COG5: variants seen among roughly 807,000 people sequenced by gnomAD.
COG5 encodes component of oligomeric golgi complex 5.
Under a neutral mutation model 110.4 loss-of-function variants are expected in COG5, and 86 were observed. The ratio of observed to expected loss-of-function variants is 0.78; its 90% confidence interval spans 0.65 to 0.93. COG5 has a LOEUF of 0.93. COG5 is among the 40% of genes least tolerant of loss of function. The pLI, the probability that COG5 is intolerant of heterozygous loss-of-function variation, is 0.00. For synonymous variants in COG5, 360 were observed against 334.6 expected (o/e 1.08, Z -0.83); for missense variants, 1,077 against 987.0 (o/e 1.09, Z -1.22).
At chr7:107,543,424 C>T (rs1479101722) in intron 5 of COG5, among the ~76,000 whole-genome samples, 3 of 152,104 alleles carry the variant, frequency 2.0e-5, no homozygotes, top group African/African-American at 7.2e-5. Flanking sequence ...GGCAGGCTGC[C>T]CCCGCCCGAC....
intron 5 of COG5, among the ~76,000 whole-genome samples, chr7:107,544,746 C>T (rs1439841693): frequency 6.6e-6 from 1 of 152,182 alleles, no homozygotes; most frequent in Non-Finnish European, 1.5e-5. Flanking sequence ...CAACAAGAAT[C>T]ACAATCAGGG....
chr7:107,504,922 T>C (rs1563071080), intron 6 of COG5, among the ~76,000 whole-genome samples: 1 of 152,150 alleles, frequency 6.6e-6, no homozygotes, highest in Non-Finnish European at 1.5e-5. Context: ...GGTCTATCCA[T>C]TTTGTTTATC....
At chr7:107,264,633 C>T (rs1424447515) in intron 14 of COG5, among the ~76,000 whole-genome samples, 1 of 152,058 alleles carries the variant, frequency 6.6e-6, no homozygotes, top group Non-Finnish European at 1.5e-5. Context: ...GTGGAGATTG[C>T]AGTGAGTTAA....
At position 107,549,064 on chromosome 7, in the gene COG5, C is replaced by T. The variant is rs557894224; in HGVS notation, c.293-732G>A. 3.3e-5 allele frequency: 5 copies of T among 152,454 alleles called. No homozygotes were observed. In the East Asian group the frequency reaches 9.6e-4, roughly 29 times the overall value. The allele number at this position is 152,454 out of a possible 1,614,324, so 9.4% of individuals were successfully genotyped here. ...AATAATATTGGAACAAATAAACATT[C>T]CTATCAGCATACAAGTATACAATAA... On this transcript the variant is annotated intron_variant, in intron 3 of 21. Coordinates refer to ENST00000297135, the MANE Select transcript of COG5 (RefSeq NM_006348.5).
At chr7:107,538,198 G>A (rs932912872) in intron 5 of COG5, among the ~76,000 whole-genome samples, 2 of 152,128 alleles carry the variant, frequency 1.3e-5, no homozygotes, top group Non-Finnish European at 2.9e-5. Context: ...CACAGCACCA[G>A]CCAGCCAGAG....
In COG5 at chr7:107,508,273, C is replaced by T. The variant is rs188849424; in HGVS notation, c.538+18964G>A. ...GGAGGGTCCTATGCCCACAGAGTCTCGCTGATTGCTAGCACAGCAGTCTGA... is the reference window on the plus strand; with the variant it reads ...GGAGGGTCCTATGCCCACAGAGTCTTGCTGATTGCTAGCACAGCAGTCTGA... On this transcript the variant is annotated intron_variant, in intron 6 of 21. Transcript: ENST00000297135. Among the ~76,000 whole-genome samples the T allele has an allele frequency of 1.8e-4, 28 of 152,314 alleles. No individual in the cohort carries two copies. In the East Asian group the frequency reaches 3.5e-3, roughly 19 times the overall value.
chr7:107,297,547 C>T (rs577722754), intron 12 of COG5, among the ~76,000 whole-genome samples: 1 of 143,918 alleles, frequency 6.9e-6, no homozygotes, highest in South Asian at 2.2e-4. Flanking sequence ...CTCCCGGGTT[C>T]AAGCGACTCT....
At chr7:107,288,911 T>G (rs6967638) in intron 12 of COG5, among the ~76,000 whole-genome samples, 666 of 4,636 alleles carry the variant, frequency 0.14, 13 homozygotes, top group East Asian at 0.27. Context: ...AACAGAGATA[T>G]ATATATATAT....
chr7:107,364,227 T>C (rs7777950), intron 8 of COG5, among the ~76,000 whole-genome samples: 30,132 of 152,116 alleles, frequency 0.2, 3,452 homozygotes, highest in East Asian at 0.33. Context: ...AAATATCACA[T>C]GAATCCAGAC....
At chr7:107,376,823 T>C (rs1814677277) in intron 7 of COG5, among the ~76,000 whole-genome samples, 1 of 152,102 alleles carries the variant, frequency 6.6e-6, no homozygotes, top group Admixed American at 6.5e-5. Flanking sequence ...CTAAGAGTAT[T>C]TTTAATCATG....
chr7:107,400,997 A>G (rs1377164414), intron 7 of COG5, among the ~76,000 whole-genome samples: 2 of 152,302 alleles, frequency 1.3e-5, no homozygotes, highest in East Asian at 3.9e-4. Flanking sequence ...AAAATCAATT[A>G]TTTAAAGCAG....
Position 107,540,290 on chromosome 7 carries a change from A to G in COG5, c.417+7821T>C, listed in dbSNP as rs187082951. ...AACAAAGATTTAAAACTAAATCTCA[A>G]AAAGATTAATGGTGGCTCATGCCTG... is the stretch of plus-strand genomic sequence containing the variant. On this transcript the variant is annotated intron_variant, in intron 5 of 21. Transcript: ENST00000297135. 4.3e-3 allele frequency among the ~76,000 whole-genome samples: 660 copies of G among 152,294 alleles called. 4 individuals carry two copies. The highest frequency in any genetic ancestry group is 0.024 in the Middle Eastern group (7 of 294).
intron 12 of COG5, among the ~76,000 whole-genome samples, chr7:107,295,636 T>C (rs925578570): frequency 2.0e-5 from 3 of 152,168 alleles, no homozygotes; most frequent in African/African-American, 4.8e-5. Flanking sequence ...ACCCTCAAGA[T>C]TTTTTGACAT....
chr7:107,274,064 G>A (rs913059794), intron 14 of COG5, among the ~76,000 whole-genome samples: 1 of 152,136 alleles, frequency 6.6e-6, no homozygotes, highest in African/African-American at 2.4e-5. Flanking sequence ...TGAAGGTGGT[G>A]TCAAATGACA....
chr7:107,522,983 C>A (rs1800445264), intron 6 of COG5, among the ~76,000 whole-genome samples: 1 of 152,088 alleles, frequency 6.6e-6, no homozygotes, highest in Non-Finnish European at 1.5e-5. Flanking sequence ...AAAAGTTATT[C>A]TAGCTATTCG....
At chr7:107,430,487 T>A (rs1031097610) in intron 6 of COG5, among the ~76,000 whole-genome samples, 2 of 152,262 alleles carry the variant, frequency 1.3e-5, no homozygotes, top group Non-Finnish European at 2.9e-5. Context: ...TGAATTATTG[T>A]AGCTCTGTAC....
chr7:107,368,856 A>G (rs1813863831), intron 8 of COG5, among the ~76,000 whole-genome samples: 1 of 152,234 alleles, frequency 6.6e-6, no homozygotes, highest in South Asian at 2.1e-4. Flanking sequence ...TATGAACACT[A>G]ACCACCAAGC....
At chr7:107,402,758 T>C (rs1032065708) in intron 7 of COG5, among the ~76,000 whole-genome samples, 21 of 152,158 alleles carry the variant, frequency 1.4e-4, no homozygotes, top group African/African-American at 5.1e-4. Context: ...AGACTGCCTA[T>C]AGAGTTGAAA....
At chr7:107,331,481 A>G (rs936163440) in intron 10 of COG5, among the ~76,000 whole-genome samples, 1 of 152,076 alleles carries the variant, frequency 6.6e-6, no homozygotes, top group Non-Finnish European at 1.5e-5. Flanking sequence ...AAAAAAGAAA[A>G]AGAAAATCAC....
Sources: gnomAD v4.1 joint callset for allele counts (sites outside exome capture counted in the v4.1 genomes callset) on GRCh38, gnomAD v4.1.1 for gene constraint, MANE v1.5 for transcripts, NCBI Gene and HGNC (gene_info 2026-07-23, HGNC 2026-07-21) for gene names.